The following LARGE1 variants were observed in gnomAD, a reference collection of about 807,000 sequenced individuals.
LARGE1 encodes the protein LARGE xylosyl- and glucuronyltransferase 1.
In LARGE1, 43 loss-of-function variants were observed where a neutral mutation model predicts 87.6. The ratio of observed to expected loss-of-function variants is 0.49; its 90% CI spans 0.38 to 0.63. The LOEUF (loss-of-function observed/expected upper bound fraction) is 0.63. LARGE1 is among the 30% of genes least tolerant of loss of function. The pLI is 0.00. For synonymous variants in LARGE1, 434 were observed against 394.6 expected, an observed-to-expected ratio of 1.10 and a Z score of -1.18; for missense variants, 802 against 1,000.2, an observed-to-expected ratio of 0.80 and a Z score of 2.67.
chr22:33,595,194 GT>G (rs1021990865), intron 5 of LARGE1, among the ~76,000 whole-genome samples: 47 of 151,972 alleles, frequency 3.1e-4, no homozygotes, highest in African/African-American at 1.1e-3. Flanking sequence ...TACATAGTAG[GT>G]GTATATATTT....
At chr22:33,323,276 A>G (rs547025926) in intron 10 of LARGE1, among the ~76,000 whole-genome samples, 1 of 152,360 alleles carries the variant, frequency 6.6e-6, no homozygotes, top group Non-Finnish European at 1.5e-5. Flanking sequence ...TCTCCTCTAC[A>G]TGGTGCTTTG....
the LARGE1 span, among the ~76,000 whole-genome samples, chr22:33,147,788 A>G: frequency 7.9e-5 from 12 of 152,158 alleles, no homozygotes; most frequent in African/African-American, 2.7e-4. Context: ...AATTCATATA[A>G]CTTCCACTAC....
At chr22:33,431,237 C>A (rs772019501) in intron 7 of LARGE1, among the ~76,000 whole-genome samples, 1 of 152,170 alleles carries the variant, frequency 6.6e-6, no homozygotes, top group Non-Finnish European at 1.5e-5. Context: ...ATTGCTTATA[C>A]ACCCCATGAG....
intron 6 of LARGE1, among the ~76,000 whole-genome samples, chr22:33,553,479 G>A (rs1209504189): frequency 2.0e-5 from 3 of 152,112 alleles, no homozygotes; most frequent in Non-Finnish European, 4.4e-5. Flanking sequence ...TCCCACGACT[G>A]CACTCCAGCC....
At chr22:33,240,479 CAATT>C (rs1299954149) in intron 11 of LARGE1, among the ~76,000 whole-genome samples, 1 of 152,154 alleles carries the variant, frequency 6.6e-6, no homozygotes, top group African/African-American at 2.4e-5. Flanking sequence ...GGCCAAAAAT[CAATT>C]GACCACATAC....
intron 6 of LARGE1, among the ~76,000 whole-genome samples, chr22:33,502,435 A>T (rs2070497688): frequency 6.6e-6 from 1 of 152,156 alleles, no homozygotes; most frequent in East Asian, 1.9e-4. Flanking sequence ...TGTCTGCAGA[A>T]AGTGAACCAC....
chr22:33,266,290 C>T (rs1469052955), intron 11 of LARGE1, among the ~76,000 whole-genome samples: 3 of 138,080 alleles, frequency 2.2e-5, no homozygotes, highest in South Asian at 2.2e-4. Flanking sequence ...GGTGCTATCT[C>T]GGCTCACTGC....
At chr22:33,733,859 A>G (rs2083557978) in intron 2 of LARGE1, among the ~76,000 whole-genome samples, 1 of 152,224 alleles carries the variant, frequency 6.6e-6, no homozygotes, top group Non-Finnish European at 1.5e-5. Context: ...GAAAGACCAT[A>G]GCATTCATGG....
chr22:33,834,395 G>A (rs1237117306), intron 1 of LARGE1, among the ~76,000 whole-genome samples: 4 of 152,182 alleles, frequency 2.6e-5, no homozygotes, highest in African/African-American at 2.4e-5. Context: ...AAAATGGCAG[G>A]TTCCTGCCTT....
chr22:33,590,812 A>G (rs2078814845), intron 5 of LARGE1, among the ~76,000 whole-genome samples: 1 of 152,206 alleles, frequency 6.6e-6, no homozygotes, highest in Admixed American at 6.5e-5. Flanking sequence ...GAATATCCAC[A>G]TACAAGTTTT....
In LARGE1 at chr22:33,552,467, GA is replaced by G. The variant is rs71320982; in HGVS notation, c.787+12380del. ...ACAAGCACGATATTTATTTACAAAA[GA>G]AAAAAAAATAGCAATGGTGCAGATG... On this transcript the variant is annotated intron_variant, in intron 6 of 14. Coordinates refer to ENST00000397394, the MANE Select transcript of LARGE1 (RefSeq NM_133642.5). 2.2e-3 allele frequency among the ~76,000 whole-genome samples: 328 copies of G among 150,778 alleles called. 1 individual carries two copies. Among genetic ancestry groups the G allele is most frequent in the African/African-American group, 7.7e-3 (315 of 41,052 alleles).
chr22:33,622,078 G>T (rs549198750), intron 4 of LARGE1, among the ~76,000 whole-genome samples: 23 of 152,100 alleles, frequency 1.5e-4, no homozygotes, highest in Non-Finnish European at 3.2e-4. Context: ...GCAACCTCCT[G>T]GTGCCACCCC....
chr22:33,722,937 A>C (rs1265381775), intron 2 of LARGE1, among the ~76,000 whole-genome samples: 1 of 152,034 alleles, frequency 6.6e-6, no homozygotes, highest in Non-Finnish European at 1.5e-5. Context: ...TGACGTTGTA[A>C]AGGGAAATTA....
At chr22:33,647,527 G>T (rs946806747) in intron 3 of LARGE1, among the ~76,000 whole-genome samples, 2 of 152,144 alleles carry the variant, frequency 1.3e-5, no homozygotes, top group Non-Finnish European at 2.9e-5. Flanking sequence ...TGTCAATCAA[G>T]CAGGCTGGGG....
intron 6 of LARGE1, among the ~76,000 whole-genome samples, chr22:33,499,013 A>T (rs1184800152): frequency 6.6e-6 from 1 of 152,140 alleles, no homozygotes; most frequent in East Asian, 1.9e-4. Context: ...TTAAAAAAAA[A>T]TTGAAATAAA....
At chr22:33,146,149 A>C in the LARGE1 span, among the ~76,000 whole-genome samples, 1 of 152,344 alleles carries the variant, frequency 6.6e-6, no homozygotes, top group African/African-American at 2.4e-5. Context: ...CAAGTTACTT[A>C]AAGGACCTAA....
At chr22:33,358,579 T>C (rs1221006828) in intron 9 of LARGE1, among the ~76,000 whole-genome samples, 1 of 152,218 alleles carries the variant, frequency 6.6e-6, no homozygotes, top group African/African-American at 2.4e-5. Flanking sequence ...CATTTCCTCC[T>C]ATGGCTGGCA....
chr22:33,827,088 C>A (rs2062814922), intron 1 of LARGE1, among the ~76,000 whole-genome samples: 1 of 152,020 alleles, frequency 6.6e-6, no homozygotes, highest in Non-Finnish European at 1.5e-5. Context: ...CTGGACCGGG[C>A]ACGGTGGCTC....
At chr22:33,222,367 G>A (rs537953363) in intron 11 of LARGE1, among the ~76,000 whole-genome samples, 7 of 152,282 alleles carry the variant, frequency 4.6e-5, no homozygotes, top group African/African-American at 1.7e-4. Flanking sequence ...CCTTGGGGGA[G>A]AGCATTTATC....
Sources: gnomAD v4.1 joint callset for allele counts (sites outside exome capture counted in the v4.1 genomes callset) on GRCh38, gnomAD v4.1.1 for gene constraint, MANE v1.5 for transcripts, NCBI Gene and HGNC (gene_info 2026-07-23, HGNC 2026-07-21) for gene names.